The following OSBPL6 variants were observed in gnomAD, a reference collection of about 807,000 sequenced individuals.
OSBPL6 encodes the protein oxysterol binding protein like 6.
Under a neutral mutation model 125.8 loss-of-function variants are expected in OSBPL6, and 49 were observed. The observed-to-expected ratio is 0.39, with a 90% CI of 0.31 to 0.49. OSBPL6 has a LOEUF of 0.49. Among genes scored for constraint, OSBPL6 ranks in the 20% least tolerant of loss-of-function variants. The pLI, the probability that OSBPL6 is intolerant of heterozygous loss-of-function variation, is 0.88. For missense variants in OSBPL6, 986 were observed against 1,135.4 expected (o/e 0.87, Z 1.89); for synonymous variants, 394 against 391.8 (o/e 1.01, Z -0.07).
intron 24 of OSBPL6, among the ~76,000 whole-genome samples, chr2:178,395,096 A>C (rs748272177): frequency 6.6e-6 from 1 of 152,108 alleles, no homozygotes; most frequent in Non-Finnish European, 1.5e-5. Flanking sequence ...CTGATATTGC[A>C]TACTTTTAGT....
chr2:178,373,610 A>G lies in OSBPL6; in HGVS notation c.1396-280A>G, dbSNP rs566256301. Among the ~76,000 whole-genome samples, 316 of 152,334 alleles carry G rather than the reference A, an allele frequency of 2.1e-3. 4 individuals carry two copies. Among genetic ancestry groups the G allele is most frequent in the Middle Eastern group, 0.01 (3 of 294 alleles). ...GAGAATGAAGTTGTCTCTACAGTCAATCAGGGTATTCATAGCGGCTTAACC... is the reference window on the plus strand; with the variant it reads ...GAGAATGAAGTTGTCTCTACAGTCAGTCAGGGTATTCATAGCGGCTTAACC... On this transcript the variant is annotated intron_variant, in intron 14 of 24. Transcript: ENST00000190611.
chr2:178,346,210 G>C (rs1690698153), intron 11 of OSBPL6, among the ~76,000 whole-genome samples: 1 of 152,146 alleles, frequency 6.6e-6, no homozygotes, highest in East Asian at 1.9e-4. Context: ...CAGAACAGGA[G>C]ACTGGAAAAA....
At position 178,339,666 on chromosome 2, in the gene OSBPL6, A is replaced by G; in HGVS notation, c.895-6A>G. The G allele has an allele frequency of 6.3e-7, 1 of 1,588,266 alleles. No individual in the cohort carries two copies. The highest frequency in any genetic ancestry group is 8.6e-7 in the Non-Finnish European group (1 of 1,169,222). On this transcript the variant is annotated splice_region_variant and splice_polypyrimidine_tract_variant and intron_variant, in intron 10 of 24. Coordinates refer to ENST00000190611, the MANE Select transcript of OSBPL6 (RefSeq NM_032523.4). ...TTTGTTGCTTTTAACTATTTGTGTAATGTAGGCTAACTGTGTAGATATTTC... is the reference window on the plus strand; with the variant it reads ...TTTGTTGCTTTTAACTATTTGTGTAGTGTAGGCTAACTGTGTAGATATTTC...
At chr2:178,225,252 AAAGG>A (rs767935522) in intron 1 of OSBPL6, among the ~76,000 whole-genome samples, 1,955 of 147,712 alleles carry the variant, frequency 0.013, 33 homozygotes, top group African/African-American at 0.039. Flanking sequence ...AAAAAAAAAA[AAAGG>A]AAAGAAAAGA....
chr2:178,232,511 A>G (rs2090876128), intron 1 of OSBPL6, among the ~76,000 whole-genome samples: 1 of 152,178 alleles, frequency 6.6e-6, no homozygotes, highest in Non-Finnish European at 1.5e-5. Flanking sequence ...GTAAGATGGG[A>G]TAATAGAACC....
intron 1 of OSBPL6, among the ~76,000 whole-genome samples, chr2:178,266,192 A>T (rs1159177518): frequency 5.9e-5 from 9 of 152,218 alleles, no homozygotes; most frequent in Non-Finnish European, 1.3e-4. Context: ...TTCACGGGGC[A>T]TGCTGGGGAT....
intron 13 of OSBPL6, among the ~76,000 whole-genome samples, chr2:178,362,963 C>T (rs974540633): frequency 2.0e-5 from 3 of 152,158 alleles, no homozygotes; most frequent in Non-Finnish European, 4.4e-5. Context: ...TGTCATGGAT[C>T]GGTCGAACAC....
At chr2:178,275,748 AG>A (rs1384182890) in intron 1 of OSBPL6, among the ~76,000 whole-genome samples, 1 of 149,584 alleles carries the variant, frequency 6.7e-6, no homozygotes, top group Non-Finnish European at 1.5e-5. Context: ...AAAAAAAAAA[AG>A]AGGAACCAGT....
chr2:178,333,126 T>A, intron 8 of OSBPL6, 85 bp downstream of exon 8: 2 of 1,456,890 alleles, frequency 1.4e-6, no homozygotes, highest in Non-Finnish European at 1.9e-6. Flanking sequence ...CTCACGTGTG[T>A]AATCCCAGCA....
intron 18 of OSBPL6, among the ~76,000 whole-genome samples, chr2:178,384,709 A>G (rs1694778664): frequency 1.3e-5 from 2 of 152,298 alleles, no homozygotes; most frequent in South Asian, 4.1e-4. Flanking sequence ...TCAGGTGAGC[A>G]GAAGGATGAC....
intron 1 of OSBPL6, among the ~76,000 whole-genome samples, chr2:178,239,227 T>C (rs1440424275): frequency 6.6e-6 from 1 of 152,186 alleles, no homozygotes; most frequent in Non-Finnish European, 1.5e-5. Context: ...TGCAATAGAA[T>C]TATGTTATAT....
At chr2:178,319,299 C>G (rs1021616840) in intron 3 of OSBPL6, among the ~76,000 whole-genome samples, 1 of 152,110 alleles carries the variant, frequency 6.6e-6, no homozygotes, top group Non-Finnish European at 1.5e-5. Flanking sequence ...GAAATTATCC[C>G]TAAGATTGTA....
chr2:178,301,664 T>C (rs1251084062), intron 2 of OSBPL6, among the ~76,000 whole-genome samples: 1 of 152,206 alleles, frequency 6.6e-6, no homozygotes, highest in Non-Finnish European at 1.5e-5. Flanking sequence ...GGGAGAACTA[T>C]AGTTTCATGC....
intron 12 of OSBPL6, among the ~76,000 whole-genome samples, chr2:178,356,770 T>G (rs1357362801): frequency 6.6e-6 from 1 of 152,182 alleles, no homozygotes; most frequent in Non-Finnish European, 1.5e-5. Context: ...AAAAAGAGCC[T>G]ACATTGCCAA....
intron 22 of OSBPL6, among the ~76,000 whole-genome samples, chr2:178,392,085 A>T (rs1695455711): frequency 6.6e-6 from 1 of 152,232 alleles, no homozygotes. Context: ...CTTAATGTTC[A>T]TAGTTAATTG....
chr2:178,369,612 GA>G (rs1693189949), intron 13 of OSBPL6, among the ~76,000 whole-genome samples: 1 of 151,994 alleles, frequency 6.6e-6, no homozygotes, highest in Admixed American at 6.5e-5. Context: ...TCACATCTAA[GA>G]AAAAGAATAA....
rs746653123 is a variant in OSBPL6 at position 178,395,772 on chromosome 2, TAAAAAAAAAAA to T, written c.*231_*241del. 1.2e-3 allele frequency: 283 copies of T among 243,392 alleles called. No homozygotes were observed. The highest frequency in any genetic ancestry group is 1.7e-3 in the Non-Finnish European group (218 of 130,292). 15.1% of individuals were successfully genotyped at this position (243,392 alleles called of 1,614,324 possible). ...TCTGTTTTGCTGCAACCATATTCCT[TAAAAAAAAAAA>T]AAAAAAAAAAAAAAAAATCCACACC... On this transcript the variant is annotated 3_prime_UTR_variant, in exon 25 of 25. Coordinates refer to ENST00000190611, the MANE Select transcript of OSBPL6 (RefSeq NM_032523.4).
At chr2:178,389,563 C>G (rs1294815412) in intron 21 of OSBPL6, among the ~76,000 whole-genome samples, 1 of 152,188 alleles carries the variant, frequency 6.6e-6, no homozygotes, top group Non-Finnish European at 1.5e-5. Context: ...TCTGAAGACA[C>G]TTGATGTAGT....
In OSBPL6 at chr2:178,365,641, A is replaced by G. The variant is rs571644916; in HGVS notation, c.1287+3826A>G. On this transcript the variant is annotated intron_variant, in intron 13 of 24. Coordinates refer to ENST00000190611, the MANE Select transcript of OSBPL6 (RefSeq NM_032523.4). The stretch of plus-strand genomic sequence containing the variant: ...CAGTGAGCCAAGATCGCACCATTGC[A>G]CTCCAGCCTGGATGACAGAGCGAGA... Among the ~76,000 whole-genome samples, 3 of 152,238 alleles carry G rather than the reference A, an allele frequency of 2.0e-5. No homozygotes were observed. In the East Asian group the frequency reaches 5.8e-4, roughly 29 times the overall value.
Sources: allele counts gnomAD v4.1 joint callset (sites outside exome capture counted in the v4.1 genomes callset), GRCh38; gene constraint gnomAD v4.1.1; transcripts MANE v1.5; gene names NCBI Gene and HGNC (gene_info 2026-07-23, HGNC 2026-07-21).